Variants in PCDHGB4 observed in about 807,000 individuals in gnomAD.
The protein encoded by PCDHGB4 is protocadherin gamma subfamily B, 4, also known as protocadherin gamma-B4.
In PCDHGB4, 38 loss-of-function variants were observed where a neutral mutation model predicts 60.5. The ratio of observed to expected loss-of-function variants is 0.63; its 90% confidence interval spans 0.48 to 0.82. PCDHGB4 has a LOEUF of 0.82. Ranked by LOEUF, PCDHGB4 falls within the 40% of genes least tolerant of loss-of-function variation. The probability of loss-of-function intolerance (pLI) is 0.00; values close to 1 mark genes in which losing one functional copy is unlikely to be tolerated. For missense variants in PCDHGB4, 1,109 were observed against 1,209.6 expected (o/e 0.92, Z 1.23); for synonymous variants, 456 against 509.7 (o/e 0.89, Z 1.42).
chr5:141,427,628 G>A (rs1308356581), intron 1 of PCDHGB4: 2 of 700,966 alleles, frequency 2.9e-6, no homozygotes, highest in Admixed American at 2.0e-5. Flanking sequence ...ACAATGCTCC[G>A]GTTTTCCACC....
Position 141,505,409 on chromosome 5 carries a change from G to T in PCDHGB4, c.2473G>T (p.Asp825Tyr). The change falls in exon 3 of 4, where the codon GAC (aspartate) becomes TAC (tyrosine). Residue 825 changes from aspartate to tyrosine, a missense_variant. Asp to Tyr is a radical substitution (Grantham distance 160). Around this residue, in one of 2 missense-constraint regions of PCDHGB4, gnomAD observed 1,068 missense variants for 1,089.9 expected, o/e 0.98. Transcript: ENST00000519479. ...PGTSGSQNGD[D>Y]TGTWPNNQFD... Reference sequence around the variant, plus strand: ...TCTCCCCAGCTCCCAAAATGGCGATGACACCGGCACCTGGCCCAACAACCA... The same window carrying T: ...TCTCCCCAGCTCCCAAAATGGCGATTACACCGGCACCTGGCCCAACAACCA... 6.2e-7 allele frequency: 1 copy of T among 1,614,200 alleles called. No individual in the cohort carries two copies. Among genetic ancestry groups the T allele is most frequent in the Non-Finnish European group, 8.5e-7 (1 of 1,180,048 alleles).
chr5:141,394,128 G>T, intron 1 of PCDHGB4: 10 of 1,613,730 alleles, frequency 6.2e-6, no homozygotes, highest in Non-Finnish European at 5.9e-6. Context: ...AACTCAAATC[G>T]CTCTGCACGT....
At chr5:141,427,982 G>A in intron 1 of PCDHGB4, 1 of 1,596,754 alleles carries the variant, frequency 6.3e-7, no homozygotes, top group Non-Finnish European at 8.6e-7. Flanking sequence ...CCGCGCTGGG[G>A]CCCGATGGCT....
At position 141,511,262 on chromosome 5, in the gene PCDHGB4, G is replaced by A; in HGVS notation, c.*89G>A. 1 of 1,556,036 alleles carries A rather than the reference G, an allele frequency of 6.4e-7. No individual in the cohort carries two copies. The highest frequency in any genetic ancestry group is 8.7e-7 in the Non-Finnish European group (1 of 1,150,444). On this transcript the variant is annotated 3_prime_UTR_variant, in exon 4 of 4. Transcript: ENST00000519479. ...TGCACCCAGGCCTCAGAGTTTCAGG[G>A]CTAACCCCCAGAATACTGGTAGGGG...
At position 141,485,286 on chromosome 5, in the gene PCDHGB4, A is replaced by G; in HGVS notation, c.2398-9521A>G. The G allele has an allele frequency of 2.5e-6, 4 of 1,614,044 alleles. No individual in the cohort carries two copies. On this transcript the variant is annotated intron_variant, in intron 1 of 3. Transcript: ENST00000519479. This position sits in a 1 kb window ranked among gnomAD's most constrained non-coding sequence, Gnocchi z 5.7. ...CAGATCCGCTACCCGGTCCCAGAGG[A>G]GTCACAGGAAGGGACTTTTGTAGGG...
At position 141,491,692 on chromosome 5, in the gene PCDHGB4, C is replaced by A. The variant is rs749349869; in HGVS notation, c.2398-3115C>A. The A allele has an allele frequency of 6.2e-7, 1 of 1,612,592 alleles. No homozygotes were observed. Among genetic ancestry groups the A allele is most frequent in the Non-Finnish European group, 8.5e-7 (1 of 1,179,338 alleles). On this transcript the variant is annotated intron_variant, in intron 1 of 3. Coordinates refer to ENST00000519479, the MANE Select transcript of PCDHGB4 (RefSeq NM_003736.4). This position sits in a 1 kb window ranked among gnomAD's most constrained non-coding sequence, Gnocchi z 6.9. ...GTCCCGCTCTAATACGCTGCGGGAG[C>A]GGAGCCAGGTGAGGGGCTCGGCGCC...
intron 1 of PCDHGB4, among the ~76,000 whole-genome samples, chr5:141,473,404 T>A (rs953797915): frequency 6.6e-6 from 1 of 152,226 alleles, no homozygotes; most frequent in Non-Finnish European, 1.5e-5. Flanking sequence ...TCTTTTTTTC[T>A]TCTTCAGTGG....
intron 1 of PCDHGB4, among the ~76,000 whole-genome samples, chr5:141,457,863 C>A (rs2098930968): frequency 6.6e-6 from 1 of 152,194 alleles, no homozygotes; most frequent in Non-Finnish European, 1.5e-5. Flanking sequence ...TCTTCACTGA[C>A]CACAGGTTAG....
Position 141,489,263 on chromosome 5 carries a change from A to G in PCDHGB4, c.2398-5544A>G. The G allele has an allele frequency of 6.4e-7, 1 of 1,552,104 alleles. No homozygotes were observed. Among genetic ancestry groups the G allele is most frequent in the South Asian group, 1.3e-5 (1 of 79,626 alleles). On this transcript the variant is annotated intron_variant, in intron 1 of 3. Transcript: ENST00000519479. This position sits in a 1 kb window ranked among gnomAD's most constrained non-coding sequence, Gnocchi z 4.5. ...GTCATGGGGCCCAAGACACTCCCAC[A>G]GCTCGCTGGGAAATGGCAAGTGCTG...
chr5:141,405,118 G>T (rs368800698), intron 1 of PCDHGB4: 1 of 1,613,946 alleles, frequency 6.2e-7, no homozygotes, highest in Non-Finnish European at 8.5e-7. Context: ...GGCACTCCTC[G>T]CATCTGCTGC....
At chr5:141,417,585 G>T in intron 1 of PCDHGB4, 1 of 462,794 alleles carries the variant, frequency 2.2e-6, no homozygotes, top group South Asian at 4.9e-5. Context: ...GTCCCACACA[G>T]AGCCTCTGGG....
chr5:141,415,947 C>T (rs1161530180), intron 1 of PCDHGB4: 1 of 532,382 alleles, frequency 1.9e-6, no homozygotes, highest in Admixed American at 4.2e-5. Flanking sequence ...CCTGGGTGGT[C>T]ACATATTGAA....
chr5:141,422,973 T>G (rs1157516415), intron 1 of PCDHGB4: 1 of 1,614,102 alleles, frequency 6.2e-7, no homozygotes, highest in Non-Finnish European at 8.5e-7. Flanking sequence ...CGCCCCGCTC[T>G]GCGGAACCTG....
At position 141,486,548 on chromosome 5, in the gene PCDHGB4, T is replaced by C; in HGVS notation, c.2398-8259T>C. 1 of 1,614,100 alleles carries C rather than the reference T, an allele frequency of 6.2e-7. No individual in the cohort carries two copies. ...TAATCCACCCTCTTTCTTTCAGAGG[T>C]CACATGAGGTGTTTGTTCCTGAGAA... is the stretch of plus-strand genomic sequence containing the variant. On this transcript the variant is annotated intron_variant, in intron 1 of 3. Coordinates refer to ENST00000519479, the MANE Select transcript of PCDHGB4 (RefSeq NM_003736.4). The surrounding 1 kb of genome is among the most constrained non-coding windows in gnomAD (Gnocchi z 5.0).
rs750564390 is a variant in PCDHGB4, at chr5:141,494,823, C to T, written c.2414C>T (p.Thr805Met). Residue 805 changes from threonine to methionine, a missense_variant, in exon 2 of 4, where the codon ACG becomes ATG. Physicochemically the swap from Thr to Met is moderately conservative, Grantham distance 81. Coordinates refer to ENST00000519479, the MANE Select transcript of PCDHGB4 (RefSeq NM_003736.4). Reference sequence around the variant, plus strand: ...TCTCCACAGCAAGCCCCGCCCAACACGGACTGGCGTTTCTCTCAGGCCCAG... The same window carrying T: ...TCTCCACAGCAAGCCCCGCCCAACATGGACTGGCGTTTCTCTCAGGCCCAG... ...LTSHQQAPPN[T>M]DWRFSQAQRP... 7 of 1,614,014 alleles carry T rather than the reference C, an allele frequency of 4.3e-6. No individual in the cohort carries two copies. The East Asian group carries it at 8.9e-5, about 21-fold the overall frequency.
intron 2 of PCDHGB4, among the ~76,000 whole-genome samples, chr5:141,496,125 T>C (rs1318749514): frequency 6.8e-6 from 1 of 146,032 alleles, no homozygotes; most frequent in Non-Finnish European, 1.5e-5. Context: ...TCCCTGCCCC[T>C]CACACACTGA....
At chr5:141,427,617 G>A (rs1295636754) in intron 1 of PCDHGB4, 3 of 694,694 alleles carry the variant, frequency 4.3e-6, no homozygotes, top group Admixed American at 2.0e-5. Flanking sequence ...TGAAGTCAAC[G>A]ACAATGCTCC....
At chr5:141,506,898 T>C (rs2099857040) in intron 3 of PCDHGB4, among the ~76,000 whole-genome samples, 1 of 152,260 alleles carries the variant, frequency 6.6e-6, no homozygotes, top group East Asian at 1.9e-4. Context: ...AGAAGCACTG[T>C]CATCACACCT....
intron 2 of PCDHGB4, among the ~76,000 whole-genome samples, chr5:141,503,985 T>C (rs1277024188): frequency 6.6e-6 from 1 of 152,150 alleles, no homozygotes; most frequent in African/African-American, 2.4e-5. Flanking sequence ...ACCCTTCTTC[T>C]TACCTTACAG....
Sources: gnomAD v4.1 joint callset for allele counts (sites outside exome capture counted in the v4.1 genomes callset) on GRCh38, gnomAD v4.1.1 for gene constraint, gnomAD v4.1.1 regional missense constraint, Gnocchi (gnomAD v3.1) non-coding constraint, MANE v1.5 for transcripts, NCBI Gene and HGNC (gene_info 2026-07-23, HGNC 2026-07-21) for gene names.